Variants in NFIB observed in about 807,000 individuals in gnomAD.
The protein encoded by NFIB is nuclear factor I B.
NFIB carries 11 observed loss-of-function variants against 61.5 expected under a neutral mutation model. The ratio of observed to expected loss-of-function variants is 0.18; its 90% CI spans 0.11 to 0.30. The LOEUF (loss-of-function observed/expected upper bound fraction) is 0.30. Ranked by LOEUF, NFIB falls within the 10% of genes least tolerant of loss-of-function variation. The pLI is 1.00. For synonymous variants in NFIB, 260 were observed against 216.5 expected, an observed-to-expected ratio of 1.20 and a Z score of -1.76; for missense variants, 471 against 608.9, an observed-to-expected ratio of 0.77 and a Z score of 2.38.
chr9:14,303,333 A>T (rs2059850062), intron 2 of NFIB, among the ~76,000 whole-genome samples: 3 of 152,180 alleles, frequency 2.0e-5, no homozygotes, highest in Admixed American at 6.5e-5. Context: ...CCTATAGGAC[A>T]CTTACATCCC....
intron 2 of NFIB, among the ~76,000 whole-genome samples, chr9:14,187,798 A>G (rs564419516): frequency 6.6e-6 from 1 of 152,216 alleles, no homozygotes; most frequent in Non-Finnish European, 1.5e-5. Context: ...ATCAAAAATC[A>G]TATATCAAAA....
chr9:14,112,816 AACTCT>A (rs1326353141), intron 10 of NFIB, among the ~76,000 whole-genome samples, 178 bp downstream of exon 10: 1 of 152,206 alleles, frequency 6.6e-6, no homozygotes, highest in Non-Finnish European at 1.5e-5. Flanking sequence ...CAATTTGAGA[AACTCT>A]ACTCAAAGAG....
intron 1 of NFIB, among the ~76,000 whole-genome samples, chr9:14,330,635 T>A (rs2060809357): frequency 6.6e-6 from 1 of 152,212 alleles, no homozygotes; most frequent in Admixed American, 6.5e-5. Context: ...GCATCCTGTG[T>A]AGTTTGTACT....
At chr9:14,194,561 GA>G (rs1207503561) in intron 2 of NFIB, among the ~76,000 whole-genome samples, 1 of 151,796 alleles carries the variant, frequency 6.6e-6, no homozygotes. Context: ...AGTCAAAAAA[GA>G]AAAAAGACAA....
At chr9:14,238,646 G>A (rs1292142011) in intron 2 of NFIB, among the ~76,000 whole-genome samples, 1 of 152,098 alleles carries the variant, frequency 6.6e-6, no homozygotes, top group Non-Finnish European at 1.5e-5. Flanking sequence ...ACATCCGCCT[G>A]GTCCAATCAG....
At chr9:14,284,539 A>G (rs1311243738) in intron 2 of NFIB, among the ~76,000 whole-genome samples, 1 of 152,204 alleles carries the variant, frequency 6.6e-6, no homozygotes, top group East Asian at 1.9e-4. Flanking sequence ...CTCAAAATTC[A>G]AAAGTTTTTG....
the NFIB span, among the ~76,000 whole-genome samples, chr9:14,511,783 A>G: frequency 6.6e-6 from 1 of 152,192 alleles, no homozygotes; most frequent in African/African-American, 2.4e-5. Flanking sequence ...CCAAAGTCAC[A>G]CTGTCTTAAT....
Position 14,120,975 on chromosome 9 carries a change from T to C in NFIB, c.1061-351A>G, listed in dbSNP as rs1231045107. Among the ~76,000 whole-genome samples the C allele has an allele frequency of 6.6e-6, 1 of 152,206 alleles. No homozygotes were observed. Among genetic ancestry groups the C allele is most frequent in the Non-Finnish European group, 1.5e-5 (1 of 68,038 alleles). ...GAAAACATATTCTTTGATTATAAAATCTTTAGGCCGGGTGCAGTAGCTCAC... is the reference window on the plus strand; with the variant it reads ...GAAAACATATTCTTTGATTATAAAACCTTTAGGCCGGGTGCAGTAGCTCAC... On this transcript the variant is annotated intron_variant, in intron 7 of 10. Transcript: ENST00000380953. This position sits in a 1 kb window ranked among gnomAD's most constrained non-coding sequence, Gnocchi z 4.4.
At position 14,327,415 on chromosome 9, in the gene NFIB, G is replaced by A. The variant is rs113472765; in HGVS notation, c.109-19895C>T. Among the ~76,000 whole-genome samples, 868 of 152,208 alleles carry A rather than the reference G, an allele frequency of 5.7e-3. 14 individuals carry two copies. Among genetic ancestry groups the A allele is most frequent in the African/African-American group, 0.018 (767 of 41,520 alleles). On this transcript the variant is annotated intron_variant, in intron 1 of 8. Coordinates refer to the NFIB transcript ENST00000380934. ...TAACTATATTTTGTGTCTATATTCC[G>A]TAAGTAAGAAATCGTAGGTGCAGCC...
chr9:14,368,156 A>T (rs2061323104), intron 1 of NFIB, among the ~76,000 whole-genome samples: 1 of 78 alleles, frequency 0.013, no homozygotes, highest in South Asian at 0.5. Flanking sequence ...AGTAAGATTA[A>T]AAAAAAAAAA....
chr9:14,476,754 C>T, the NFIB span, among the ~76,000 whole-genome samples: 1 of 152,170 alleles, frequency 6.6e-6, no homozygotes, highest in Non-Finnish European at 1.5e-5. Flanking sequence ...ATCTCTGAGA[C>T]TAAAACCCTG....
intron 2 of NFIB, among the ~76,000 whole-genome samples, chr9:14,220,843 A>ACACCCACCCC (rs1554677584): frequency 0.24 from 3,000 of 12,320 alleles, 256 homozygotes; most frequent in East Asian, 0.52. Flanking sequence ...CAATCTCCCT[A>ACACCCACCCC]CACACACACA....
At chr9:14,251,044 T>C (rs936643915) in intron 2 of NFIB, among the ~76,000 whole-genome samples, 10 of 152,232 alleles carry the variant, frequency 6.6e-5, no homozygotes, top group African/African-American at 2.4e-4. Flanking sequence ...GAATGCAACA[T>C]CTAACATTTT....
At chr9:14,344,232 A>T (rs1344121062) in intron 1 of NFIB, among the ~76,000 whole-genome samples, 1 of 151,958 alleles carries the variant, frequency 6.6e-6, no homozygotes, top group African/African-American at 2.4e-5. Context: ...AGAGGCACAC[A>T]CAGAGAGAGT....
At chr9:14,350,683 T>C (rs1202505828) in intron 1 of NFIB, among the ~76,000 whole-genome samples, 1 of 152,144 alleles carries the variant, frequency 6.6e-6, no homozygotes, top group Admixed American at 6.5e-5. Flanking sequence ...ACAAAAAAAA[T>C]TCCTCTTTCT....
intron 1 of NFIB, among the ~76,000 whole-genome samples, chr9:14,379,622 A>G (rs779738445): frequency 6.6e-6 from 1 of 152,144 alleles, no homozygotes; most frequent in Non-Finnish European, 1.5e-5. Flanking sequence ...AGAGAGCTTA[A>G]TTTACAATCA....
At chr9:14,308,908 G>C (rs1224435748) in intron 1 of NFIB, among the ~76,000 whole-genome samples, 1 of 152,104 alleles carries the variant, frequency 6.6e-6, no homozygotes, top group African/African-American at 2.4e-5. Flanking sequence ...TCCTGATTTA[G>C]GTAAAACCTG....
chr9:14,198,344 A>T (rs1360027850), intron 2 of NFIB, among the ~76,000 whole-genome samples: 6 of 152,080 alleles, frequency 3.9e-5, no homozygotes, highest in Admixed American at 3.9e-4. Flanking sequence ...ATCATCCTAA[A>T]ATTTAGAGTT....
At chr9:14,251,697 G>A (rs959750218) in intron 2 of NFIB, among the ~76,000 whole-genome samples, 4 of 152,210 alleles carry the variant, frequency 2.6e-5, no homozygotes, top group African/African-American at 9.6e-5. Context: ...CAGGAGGTCA[G>A]CTAATCCCAG....
Sources: allele counts gnomAD v4.1 joint callset (sites outside exome capture counted in the v4.1 genomes callset), GRCh38; gene constraint gnomAD v4.1.1; non-coding constraint Gnocchi (gnomAD v3.1); transcripts MANE v1.5; gene names NCBI Gene and HGNC (gene_info 2026-07-23, HGNC 2026-07-21).